The following SPTB variants were observed in gnomAD, a reference collection of about 807,000 sequenced individuals.
The protein encoded by SPTB is spectrin beta, erythrocytic.
In SPTB, 45 loss-of-function variants were observed where a neutral mutation model predicts 256.2. That is an observed-to-expected ratio of 0.18 (90% confidence interval 0.14 to 0.23). The LOEUF (loss-of-function observed/expected upper bound fraction) is 0.23. SPTB is among the 10% of genes least tolerant of loss of function. The pLI is 1.00. For synonymous variants in SPTB, 1,231 were observed against 1,243.1 expected, an observed-to-expected ratio of 0.99 and a Z score of 0.21; for missense variants, 2,715 against 3,040.4, an observed-to-expected ratio of 0.89 and a Z score of 2.52.
intron 2 of SPTB, among the ~76,000 whole-genome samples, chr14:64,815,232 C>G (rs997319733): frequency 3.5e-4 from 54 of 152,122 alleles, no homozygotes; most frequent in African/African-American, 1.3e-3. Flanking sequence ...AGCCAAGAGG[C>G]TCAAAGGCTG....
At chr14:64,794,965 G>C (rs913397469) in intron 12 of SPTB, among the ~76,000 whole-genome samples, 27 of 152,246 alleles carry the variant, frequency 1.8e-4, no homozygotes, top group African/African-American at 6.5e-4. Flanking sequence ...GAGAGGAGAG[G>C]TTGCCCTCAT....
chr14:64,749,084 C>T lies in SPTB; in HGVS notation c.*222G>A. Reference sequence around the variant, plus strand: ...AAGGCGCCAGAGGAGCTGGGAGCCCCTGTCCCTGGAGCGGAGCCAGCGCGG... The same window carrying T: ...AAGGCGCCAGAGGAGCTGGGAGCCCTTGTCCCTGGAGCGGAGCCAGCGCGG... On this transcript the variant is annotated 3_prime_UTR_variant, in exon 36 of 36. Transcript: ENST00000644917. The surrounding 1 kb of genome is among the most constrained non-coding windows in gnomAD (Gnocchi z 4.7). The T allele has an allele frequency of 6.2e-6, 3 of 483,260 alleles. No homozygotes were observed. The highest frequency in any genetic ancestry group is 4.5e-5 in the South Asian group (2 of 44,460). 29.9% of individuals were successfully genotyped at this position (483,260 alleles called of 1,614,324 possible).
intron 15 of SPTB, among the ~76,000 whole-genome samples, chr14:64,791,080 T>C (rs1428580191): frequency 6.6e-6 from 1 of 152,188 alleles, no homozygotes; most frequent in African/African-American, 2.4e-5. Context: ...ATGAGAAGCA[T>C]ATGGCCTGAT....
chr14:64,861,941 A>T lies in SPTB; in HGVS notation c.-52+17851T>A, dbSNP rs768344845. 3.3e-5 allele frequency among the ~76,000 whole-genome samples: 5 copies of T among 152,154 alleles called. No homozygotes were observed. In the South Asian group the frequency reaches 1.0e-3, roughly 32 times the overall value. On this transcript the variant is annotated intron_variant, in intron 1 of 35. Transcript: ENST00000644917. ...ATCCTCATTGTGCTGTGATATCACA[A>T]TCACATTTACTAGATTCTCTTCCTA...
In SPTB at chr14:64,786,382, C is replaced by T; in HGVS notation, c.3561+22G>A. The T allele has an allele frequency of 3.1e-6, 5 of 1,613,816 alleles. No individual in the cohort carries two copies. Among genetic ancestry groups the T allele is most frequent in the Admixed American group, 1.7e-5 (1 of 60,028 alleles). ...TACTGCCCTGAGAGACCCGCCTGTCCCAGCCCTGAATGCCTCTCTACCTGG... is the reference window on the plus strand; with the variant it reads ...TACTGCCCTGAGAGACCCGCCTGTCTCAGCCCTGAATGCCTCTCTACCTGG... On this transcript the variant is annotated intron_variant, in intron 16 of 35. Coordinates refer to ENST00000644917, the MANE Select transcript of SPTB (RefSeq NM_001355436.2). This position sits in a 1 kb window ranked among gnomAD's most constrained non-coding sequence, Gnocchi z 5.6.
chr14:64,812,640 G>A (rs147617530), intron 2 of SPTB, among the ~76,000 whole-genome samples: 1 of 152,014 alleles, frequency 6.6e-6, no homozygotes, highest in Non-Finnish European at 1.5e-5. Flanking sequence ...CCTTCTCGGT[G>A]AGCAGCACAC....
intron 2 of SPTB, among the ~76,000 whole-genome samples, chr14:64,821,499 C>G (rs1325513805): frequency 6.6e-6 from 1 of 152,252 alleles, no homozygotes. Flanking sequence ...TGGTACCCCT[C>G]TCCCTCCACC....
rs376511851 is a variant in SPTB at position 64,792,970 on chromosome 14, G to A, written c.2666+27C>T. The stretch of plus-strand genomic sequence containing the variant: ...GGTGCCCAGGCCTGGGTACAGGGAC[G>A]TGAGGAAAAGATGAGTTAACTCTGA... On this transcript the variant is annotated intron_variant, in intron 14 of 35. Transcript: ENST00000644917. The surrounding 1 kb of genome is among the most constrained non-coding windows in gnomAD (Gnocchi z 4.2). 1.2e-5 allele frequency: 20 copies of A among 1,613,694 alleles called. No homozygotes were observed. In the East Asian group the frequency reaches 1.3e-4, roughly 11 times the overall value.
At chr14:64,837,759 C>G (rs2083547359) in intron 1 of SPTB, among the ~76,000 whole-genome samples, 1 of 152,132 alleles carries the variant, frequency 6.6e-6, no homozygotes, top group African/African-American at 2.4e-5. Context: ...TGTCACCACG[C>G]CCGGCTAATT....
At chr14:64,801,019 C>A in intron 7 of SPTB, 151 bp from the exon 8 acceptor site, 1 of 738,334 alleles carries the variant, frequency 1.4e-6, no homozygotes, top group Non-Finnish European at 2.4e-6. Context: ...GTGATGAAAT[C>A]CATTTTAGAA....
intron 31 of SPTB, among the ~76,000 whole-genome samples, chr14:64,767,027 G>C (rs1001248063): frequency 6.6e-6 from 1 of 152,200 alleles, no homozygotes; most frequent in Non-Finnish European, 1.5e-5. Context: ...AGAACGGCCT[G>C]TGGGGCCCCG....
intron 2 of SPTB, among the ~76,000 whole-genome samples, chr14:64,813,978 G>A (rs1171597276): frequency 6.6e-6 from 1 of 152,212 alleles, no homozygotes; most frequent in African/African-American, 2.4e-5. Flanking sequence ...ACCAGTTAGG[G>A]AAGGAATTTT....
At position 64,844,064 on chromosome 14, in the gene SPTB, A is replaced by G. The variant is rs1281843846; in HGVS notation, c.-51-20919T>C. Among the ~76,000 whole-genome samples, 1 of 152,250 alleles carries G rather than the reference A, an allele frequency of 6.6e-6. No individual in the cohort carries two copies. The highest frequency in any genetic ancestry group is 2.4e-5 in the African/African-American group (1 of 41,466). ...GTCTTTAGCAAATCCCAACAAAAAA[A>G]GGCTACAGTTGAGATCCAACAAGAG... is the stretch of plus-strand genomic sequence containing the variant. On this transcript the variant is annotated intron_variant, in intron 1 of 35. Coordinates refer to ENST00000644917, the MANE Select transcript of SPTB (RefSeq NM_001355436.2). The surrounding 1 kb of genome is among the most constrained non-coding windows in gnomAD (Gnocchi z 4.1).
rs1555367789 is a variant in SPTB, at chr14:64,774,392, C to T, written c.4973+5G>A. On this transcript the variant is annotated splice_donor_5th_base_variant and intron_variant, in intron 24 of 35. Coordinates refer to ENST00000644917, the MANE Select transcript of SPTB (RefSeq NM_001355436.2). ...TGACCGAGTCACCACAGGGGGCGCA[C>T]GCACCCCTCAGGGTGGCCTGCAGAC... 1 of 1,586,546 alleles carries T rather than the reference C, an allele frequency of 6.3e-7. No homozygotes were observed. Among genetic ancestry groups the T allele is most frequent in the Non-Finnish European group, 8.6e-7 (1 of 1,167,406 alleles).
At chr14:64,763,876 G>A (rs1250288524) in intron 32 of SPTB, 1 of 518,990 alleles carries the variant, frequency 1.9e-6, no homozygotes, top group South Asian at 1.4e-5. Flanking sequence ...GTGTGGGATG[G>A]CAGCTTCAGT....
rs1177883524 is a variant in SPTB at position 64,747,969 on chromosome 14, G to A, written c.*1337C>T. The A allele has an allele frequency of 6.6e-6, 1 of 152,156 alleles. No homozygotes were observed. Among genetic ancestry groups the A allele is most frequent in the Non-Finnish European group, 1.5e-5 (1 of 68,076 alleles). The allele number at this position is 152,156 out of a possible 1,614,324, so 9.4% of individuals were successfully genotyped here. ...AGCAGCAAGGGGAAGGCCATTCCTG[G>A]GGACGTTGGTTGCAGAGCTTCTGGT... On this transcript the variant is annotated 3_prime_UTR_variant, in exon 36 of 36. Transcript: ENST00000644917.
chr14:64,749,786 C>T lies in SPTB; in HGVS notation c.6777-90G>A, dbSNP rs969097756. The T allele has an allele frequency of 3.0e-5, 47 of 1,546,352 alleles. No homozygotes were observed. In the South Asian group the frequency reaches 5.1e-4, roughly 17 times the overall value. ...GCTCTGATCCCACAATACCCTGAGC[C>T]GAACATCCAGACCCCTCTCAGGCAG... On this transcript the variant is annotated intron_variant, in intron 34 of 35. Coordinates refer to ENST00000644917, the MANE Select transcript of SPTB (RefSeq NM_001355436.2). This position sits in a 1 kb window ranked among gnomAD's most constrained non-coding sequence, Gnocchi z 4.7.
chr14:64,867,589 T>C (rs1352028237), intron 1 of SPTB, among the ~76,000 whole-genome samples: 1 of 152,162 alleles, frequency 6.6e-6, no homozygotes, highest in Non-Finnish European at 1.5e-5. Context: ...TGCGGAGGCT[T>C]ATGCCTGTAA....
At position 64,802,969 on chromosome 14, in the gene SPTB, C is replaced by T. The variant is rs191031854; in HGVS notation, c.474+638G>A. ...AGCTCCTCTTGCCTTTCCATTCTCC[C>T]CAACTCTGCTGCTATTGTTGTTCAA... On this transcript the variant is annotated intron_variant, in intron 4 of 35. Transcript: ENST00000644917. This position sits in a 1 kb window ranked among gnomAD's most constrained non-coding sequence, Gnocchi z 5.1. Among the ~76,000 whole-genome samples, 1 of 152,316 alleles carries T rather than the reference C, an allele frequency of 6.6e-6. No homozygotes were observed. Among genetic ancestry groups the T allele is most frequent in the African/African-American group, 2.4e-5 (1 of 41,570 alleles).
Sources: gnomAD v4.1 joint callset for allele counts (sites outside exome capture counted in the v4.1 genomes callset) on GRCh38, gnomAD v4.1.1 for gene constraint, Gnocchi (gnomAD v3.1) non-coding constraint, MANE v1.5 for transcripts, NCBI Gene and HGNC (gene_info 2026-07-23, HGNC 2026-07-21) for gene names.